Variants in ZNF846 observed in about 807,000 individuals in gnomAD.
ZNF846 encodes zinc finger protein 846, also known as zinc finger protein 420 pseudogene.
A neutral mutation model predicts 16.0 loss-of-function variants in ZNF846; 15 were observed. The ratio of observed to expected loss-of-function variants is 0.94; its 90% CI spans 0.63 to 1.45. The LOEUF is 1.45. Ranked by LOEUF, ZNF846 falls within the 40% of genes most tolerant of loss-of-function variation. The pLI is 0.00. For missense variants in ZNF846, 714 were observed against 622.3 expected (o/e 1.15, Z -1.57); for synonymous variants, 229 against 212.0 (o/e 1.08, Z -0.70).
upstream of ZNF846, among the ~76,000 whole-genome samples, chr19:9,770,378 G>T (rs1350276895): frequency 6.6e-6 from 1 of 151,264 alleles, no homozygotes; most frequent in African/African-American, 2.4e-5. Context: ...TGTTTTCAAG[G>T]TTCATCCAAT....
chr19:9,757,636 T>C, exon 6 of ZNF846: 1 of 1,613,694 alleles, frequency 6.2e-7, no homozygotes, highest in Non-Finnish European at 8.5e-7. Flanking sequence ...CCACATTCTT[T>C]ACATGCATAA....
chr19:9,777,812 C>G (rs891510737), intron 1 of ZNF846, among the ~76,000 whole-genome samples: 2 of 152,050 alleles, frequency 1.3e-5, no homozygotes, highest in Non-Finnish European at 2.9e-5. Context: ...AGCTAGCTAA[C>G]ATGGCAAAAC....
chr19:9,778,417 C>A (rs566206863), intron 1 of ZNF846, among the ~76,000 whole-genome samples: 93 of 152,216 alleles, frequency 6.1e-4, no homozygotes, highest in African/African-American at 2.1e-3. Context: ...GCTAACTGTC[C>A]CCCAGGAGTA....
At chr19:9,754,691 T>TA (rs1016341009), downstream of ZNF846, among the ~76,000 whole-genome samples, 51 of 150,566 alleles carry the variant, frequency 3.4e-4, no homozygotes, top group Non-Finnish European at 6.3e-4. Flanking sequence ...TAATTACCAA[T>TA]AAAAAAGACT....
chr19:9,765,590 A>G (rs894608262), intron 1 of ZNF846, among the ~76,000 whole-genome samples: 3 of 151,566 alleles, frequency 2.0e-5, no homozygotes, highest in Admixed American at 1.3e-4. Context: ...ACAGAATAGC[A>G]TGAACCCAGG....
Position 9,776,975 on chromosome 19 carries a change from G to A in ZNF846, c.-86+8963C>T, listed in dbSNP as rs115179354. On this transcript the variant is annotated intron_variant, in intron 1 of 4. Coordinates refer to the ZNF846 transcript ENST00000586814. ...AGGGATTGGGGTCCTTTTTATAGCT[G>A]GAGGGTTTATCTTCTCTGTGGTCAT... Among the ~76,000 whole-genome samples the A allele has an allele frequency of 7.4e-3, 1,129 of 151,952 alleles. 16 individuals carry two copies. The highest frequency in any genetic ancestry group is 0.026 in the African/African-American group (1,061 of 41,416).
downstream of ZNF846, chr19:9,757,415 C>T: frequency 7.3e-7 from 1 of 1,369,226 alleles, no homozygotes; most frequent in African/African-American, 1.5e-5. Context: ...ATATTCTTTA[C>T]CTTCCTATGA....
At chr19:9,749,191 G>C (rs567047374), downstream of ZNF846, among the ~76,000 whole-genome samples, 1 of 152,144 alleles carries the variant, frequency 6.6e-6, no homozygotes, top group Non-Finnish European at 1.5e-5. Context: ...CTGAAGAACA[G>C]TAATAGCCCT....
chr19:9,765,998 GCCT>G (rs2045309773), intron 1 of ZNF846, among the ~76,000 whole-genome samples: 1 of 152,132 alleles, frequency 6.6e-6, no homozygotes, highest in Non-Finnish European at 1.5e-5. Context: ...AGTTGACTTT[GCCT>G]AGCAACTATC....
At chr19:9,756,323 ATATATGTGTGTGTGTGTGTGTG>A, downstream of ZNF846, 3 of 97,640 alleles carry the variant, frequency 3.1e-5, no homozygotes. Flanking sequence ...GTGTGTGCAT[ATATATGTGTGTGTGTGTGTGTG>A]TATATATATA....
At chr19:9,749,393 G>A (rs571858424), downstream of ZNF846, among the ~76,000 whole-genome samples, 86 of 151,910 alleles carry the variant, frequency 5.7e-4, no homozygotes, top group South Asian at 2.9e-3. Context: ...CCTTGTTTAC[G>A]CTGCCAGTTT....
chr19:9,781,585 C>T (rs2045501850), intron 1 of ZNF846, among the ~76,000 whole-genome samples: 1 of 152,084 alleles, frequency 6.6e-6, no homozygotes, highest in South Asian at 2.1e-4. Flanking sequence ...TTAGTCTAGA[C>T]ACCTGCTTGT....
intron 4 of ZNF846, 40 bp downstream of exon 4, chr19:9,762,042 C>G: frequency 6.5e-7 from 1 of 1,539,214 alleles, no homozygotes; most frequent in East Asian, 2.2e-5. Context: ...CCTAGGGTGG[C>G]ACAGCAGTGC....
At chr19:9,781,136 T>TTTTG (rs981588386) in intron 1 of ZNF846, among the ~76,000 whole-genome samples, 3 of 152,158 alleles carry the variant, frequency 2.0e-5, no homozygotes, top group Admixed American at 1.3e-4. Flanking sequence ...TTAGGTGTTT[T>TTTTG]TTTGTTTGTT....
intron 1 of ZNF846, among the ~76,000 whole-genome samples, chr19:9,765,539 G>A (rs983458484): frequency 3.3e-5 from 5 of 152,190 alleles, no homozygotes; most frequent in African/African-American, 9.6e-5. Flanking sequence ...TGGGCATGGC[G>A]GCGTGTGCCT....
downstream of ZNF846, among the ~76,000 whole-genome samples, chr19:9,750,814 C>G (rs576221817): frequency 6.6e-6 from 1 of 152,304 alleles, no homozygotes; most frequent in Admixed American, 6.5e-5. Flanking sequence ...ATATCACAAT[C>G]TTTATCTGTC....
intron 5 of ZNF846, among the ~76,000 whole-genome samples, chr19:9,759,223 C>A (rs2145203289): frequency 6.6e-6 from 1 of 151,946 alleles, no homozygotes; most frequent in Middle Eastern, 3.4e-3. Flanking sequence ...GTCTCCAACT[C>A]CTGGCCTCAA....
intron 5 of ZNF846, 90 bp downstream of exon 5, chr19:9,759,770 T>G: frequency 2.1e-6 from 2 of 973,324 alleles, no homozygotes; most frequent in South Asian, 1.6e-5. Context: ...CTTTGTTTTC[T>G]CTGGGTAAAT....
At chr19:9,766,253 C>G (rs987237652) in intron 1 of ZNF846, among the ~76,000 whole-genome samples, 10 of 151,718 alleles carry the variant, frequency 6.6e-5, no homozygotes, top group African/African-American at 2.4e-4. Flanking sequence ...AACCCCATCT[C>G]TACTAAAAAT....
Sources: allele counts gnomAD v4.1 joint callset (sites outside exome capture counted in the v4.1 genomes callset), GRCh38; gene constraint gnomAD v4.1.1; transcripts MANE v1.5; gene names NCBI Gene and HGNC (gene_info 2026-07-23, HGNC 2026-07-21).